Variants in TXLNG observed in about 807,000 individuals in gnomAD.
TXLNG encodes the protein gamma-taxilin.
Under a neutral mutation model 38.8 loss-of-function variants are expected in TXLNG, and 5 were observed. The ratio of observed to expected loss-of-function variants is 0.13; its 90% confidence interval spans 0.07 to 0.27. The LOEUF (loss-of-function observed/expected upper bound fraction) is 0.27. TXLNG is among the 10% of genes least tolerant of loss of function. TXLNG has a pLI of 1.00. For synonymous variants in TXLNG, 182 were observed against 158.2 expected, an observed-to-expected ratio of 1.15 and a Z score of -1.13; for missense variants, 393 against 398.2, an observed-to-expected ratio of 0.99 and a Z score of 0.11.
At position 16,843,439 on chromosome X, in the gene TXLNG, C is replaced by T. The variant is rs1254129773; in HGVS notation, c.*1673C>T. 9.0e-6 allele frequency: 1 copy of T among 111,601 alleles called. No homozygotes were observed. Among genetic ancestry groups the T allele is most frequent in the East Asian group, 2.8e-4 (1 of 3,552 alleles). The allele number at this position is 111,601 out of a possible 1,213,427, so 9.2% of individuals were successfully genotyped here. A position where few individuals can be genotyped will look rare whatever the true frequency, so the allele number is the denominator to read the frequency against. On this transcript the variant is annotated 3_prime_UTR_variant, in exon 10 of 10. Coordinates refer to ENST00000380122, the MANE Select transcript of TXLNG (RefSeq NM_018360.3). ...TCCACAAAGTAGATTATCTAATTAC[C>T]ATCAAAATGAGTCAGAAGCAAAAAA...
At chrX:16,821,823 T>C (rs1213440246) in intron 3 of TXLNG, among the ~76,000 whole-genome samples, 2 of 103,440 alleles carry the variant, frequency 1.9e-5, no homozygotes, top group Non-Finnish European at 3.9e-5. Context: ...ACCCTGTCTC[T>C]ACTAAAAATA....
chrX:16,840,211 G>A (rs780603345), intron 9 of TXLNG, among the ~76,000 whole-genome samples: 3 of 112,181 alleles, frequency 2.7e-5, no homozygotes, highest in Admixed American at 1.9e-4. Flanking sequence ...TTCTTCTACA[G>A]CAGTGATTTC....
chrX:16,841,727 G>A lies in TXLNG; in HGVS notation c.1548G>A (p.Pro516=), dbSNP rs760165256. The A allele has an allele frequency of 1.7e-5, 21 of 1,210,006 alleles. No individual in the cohort carries two copies. Among genetic ancestry groups the A allele is most frequent in the East Asian group, 8.9e-5 (3 of 33,801 alleles). The stretch of plus-strand genomic sequence containing the variant: ...AGAGAAGCGCTGTGCAAAAGCCCCC[G>A]TCCACAGGCTCTGCTCCGGCCATCG... ...KSQRSAVQKP[P]STGSAPAIES... is the part of the protein sequence containing the mutation. Residue 516 remains proline (P), a synonymous_variant, in exon 10 of 10, where the codon CCG becomes CCA. Coordinates refer to ENST00000380122, the MANE Select transcript of TXLNG (RefSeq NM_018360.3).
At chrX:16,801,855 A>C (rs1276879585) in intron 1 of TXLNG, among the ~76,000 whole-genome samples, 1 of 110,506 alleles carries the variant, frequency 9.0e-6, no homozygotes, top group African/African-American at 3.3e-5. Flanking sequence ...CTTTGAACAA[A>C]GCCAGACTCC....
Position 16,841,532 on chromosome X carries a change from G to A in TXLNG, c.1353G>A (p.Lys451=), listed in dbSNP as rs374152326. Residue 451 remains lysine (K), a synonymous_variant, in exon 10 of 10, where the codon AAG becomes AAA. Transcript: ENST00000380122. The part of the protein sequence containing the change: ...LQTERNELNE[K]VEVLKEQVSI... ...CAGAAAGGAATGAGCTCAATGAGAA[G>A]GTGGAAGTCCTGAAAGAGCAGGTAT... 1.3e-4 allele frequency: 157 copies of A among 1,210,222 alleles called. No homozygotes were observed. The highest frequency in any genetic ancestry group is 4.9e-4 in the South Asian group (28 of 56,827).
Position 16,786,526 on chromosome X carries a change from C to G in TXLNG, c.39C>G (p.Gly13=), listed in dbSNP as rs1299031293. The change falls in exon 1 of 10, where the codon GGC becomes GGG. Residue 13 remains glycine (G), a synonymous_variant. Transcript: ENST00000380122. ...TAGAGGAGGCAGCGCGGGGAAGAGG[C>G]GGCGGCGCCGAAGAGGCGACTGAGG... ...TRVEEAARGR[G]GGAEEATEAG... is the part of the protein sequence containing the mutation. The G allele has an allele frequency of 9.1e-7, 1 of 1,101,877 alleles. No individual in the cohort carries two copies. The highest frequency in any genetic ancestry group is 3.8e-5 in the East Asian group (1 of 26,139). The allele number at this position is 1,101,877 out of a possible 1,213,427, so 90.8% of individuals were successfully genotyped here. A position where few individuals can be genotyped will look rare whatever the true frequency, so the allele number is the denominator to read the frequency against.
At chrX:16,826,140 C>A (rs1444988616) in intron 3 of TXLNG, among the ~76,000 whole-genome samples, 1 of 111,615 alleles carries the variant, frequency 9.0e-6, no homozygotes. Context: ...ATTGCGCTAA[C>A]CCTGGGTCAG....
intron 1 of TXLNG, among the ~76,000 whole-genome samples, chrX:16,816,825 T>TTAAAA (rs1928761632): frequency 8.9e-6 from 1 of 112,192 alleles, no homozygotes; most frequent in Admixed American, 9.5e-5. Context: ...ATTGCAACTT[T>TTAAAA]TAAAATAAAC....
chrX:16,811,674 G>A (rs1267032216), intron 1 of TXLNG, among the ~76,000 whole-genome samples: 6 of 103,902 alleles, frequency 5.8e-5, no homozygotes, highest in African/African-American at 1.4e-4. Context: ...ACGGAGTCTC[G>A]CTGCCAGGCT....
intron 9 of TXLNG, chrX:16,840,409 C>G (rs748904046): frequency 1.3e-6 from 1 of 750,925 alleles, no homozygotes; most frequent in East Asian, 1.5e-4. Flanking sequence ...AAAAAAGCAA[C>G]AAAGTACGTT....
intron 1 of TXLNG, among the ~76,000 whole-genome samples, chrX:16,809,338 T>TA (rs1465220839): frequency 1.1e-5 from 1 of 88,868 alleles, no homozygotes; most frequent in East Asian, 3.1e-4. Context: ...AATGATATCT[T>TA]ATAGTTGTTT....
chrX:16,825,823 A>G (rs982920215), intron 3 of TXLNG, among the ~76,000 whole-genome samples: 1 of 112,236 alleles, frequency 8.9e-6, no homozygotes, highest in African/African-American at 3.2e-5. Flanking sequence ...TGCAGTGCCT[A>G]AAATATTTAC....
chrX:16,837,392 C>A (rs184509579), intron 7 of TXLNG, among the ~76,000 whole-genome samples: 1 of 112,014 alleles, frequency 8.9e-6, no homozygotes, highest in Non-Finnish European at 1.9e-5. Flanking sequence ...ATATTAAAGT[C>A]AACAGAATGT....
chrX:16,788,114 T>A (rs1484459936), intron 1 of TXLNG, among the ~76,000 whole-genome samples: 1 of 112,404 alleles, frequency 8.9e-6, no homozygotes, highest in Non-Finnish European at 1.9e-5. Context: ...ACACTTCACT[T>A]ATTCCCTAAG....
chrX:16,829,435 G>A, intron 4 of TXLNG, 141 bp from the exon 5 acceptor site: 2 of 560,197 alleles, frequency 3.6e-6, no homozygotes, highest in Non-Finnish European at 5.6e-6. Context: ...TAGCCTTCTG[G>A]TCATAAATAA....
Position 16,839,956 on chromosome X carries a change from T to C in TXLNG, c.1248+40T>C, listed in dbSNP as rs747945783. ...TGCGACTAAGGTGTAGTCTTAGTCA[T>C]GGGGACTCCTTGAGTTCAGGTACCT... is the stretch of plus-strand genomic sequence containing the variant. On this transcript the variant is annotated intron_variant, in intron 9 of 9. Transcript: ENST00000380122. 1.1e-5 allele frequency: 11 copies of C among 1,012,621 alleles called. No individual in the cohort carries two copies. In the East Asian group the frequency reaches 3.2e-4, roughly 29 times the overall value. The allele number at this position is 1,012,621 out of a possible 1,213,427, so 83.5% of individuals were successfully genotyped here.
chrX:16,822,785 T>G (rs775124508), intron 3 of TXLNG, among the ~76,000 whole-genome samples: 62 of 111,948 alleles, frequency 5.5e-4, no homozygotes, highest in Non-Finnish European at 1.1e-3. Context: ...CTGGGGTGGT[T>G]GTTCTCAGAC....
intron 3 of TXLNG, among the ~76,000 whole-genome samples, chrX:16,822,458 T>C (rs953725745): frequency 1.8e-5 from 2 of 111,798 alleles, no homozygotes; most frequent in Non-Finnish European, 3.8e-5. Context: ...CAGGACGCCC[T>C]GTGCATCAGT....
chrX:16,817,724 A>G (rs1016392256), intron 1 of TXLNG, among the ~76,000 whole-genome samples: 2 of 112,713 alleles, frequency 1.8e-5, no homozygotes. Flanking sequence ...CTGACATAAG[A>G]ATAACATACT....
Sources: allele counts gnomAD v4.1 joint callset (sites outside exome capture counted in the v4.1 genomes callset), GRCh38; gene constraint gnomAD v4.1.1; transcripts MANE v1.5; gene names NCBI Gene and HGNC (gene_info 2026-07-23, HGNC 2026-07-21).